The following FLRT2 variants were observed in gnomAD, a reference collection of about 807,000 sequenced individuals.
FLRT2 encodes leucine-rich repeat transmembrane protein FLRT2.
In FLRT2, 15 loss-of-function variants were observed where a neutral mutation model predicts 40.0. The observed-to-expected ratio is 0.38, with a 90% CI of 0.25 to 0.58. FLRT2 has a LOEUF of 0.58. FLRT2 is among the 20% of genes least tolerant of loss of function. The pLI, the probability that FLRT2 is intolerant of heterozygous loss-of-function variation, is 0.71. For missense variants in FLRT2, 726 were observed against 840.0 expected (o/e 0.86, Z 1.68); for synonymous variants, 380 against 336.8 (o/e 1.13, Z -1.41).
chr14:85,541,466 A>G (rs1888982980), intron 1 of FLRT2, among the ~76,000 whole-genome samples: 1 of 152,162 alleles, frequency 6.6e-6, no homozygotes, highest in South Asian at 2.1e-4. Flanking sequence ...AGAAACTCAT[A>G]GTGTTAGTGA....
rs1481560096 is a variant in FLRT2, at chr14:85,623,265, G to A, written c.1751G>A (p.Arg584Gln). The change falls in exon 2 of 2, where the codon CGG becomes CAG. Residue 584 changes from arginine (R) to glutamine (Q), a missense_variant. Transcript: ENST00000330753. ...SQKWKYNRGR[R>Q]KDDYCEAGTK... ...AAGTGGAAATACAACCGGGGCCGGC[G>A]GAAAGATGATTATTGCGAGGCAGGC... 4 of 1,515,474 alleles carry A rather than the reference G, an allele frequency of 2.6e-6. No homozygotes were observed. Among genetic ancestry groups the A allele is most frequent in the South Asian group, 1.3e-5 (1 of 74,744 alleles). The allele number at this position is 1,515,474 out of a possible 1,614,324, so 93.9% of individuals were successfully genotyped here.
chr14:85,554,746 T>C (rs1176364688), intron 1 of FLRT2, among the ~76,000 whole-genome samples: 2 of 152,226 alleles, frequency 1.3e-5, no homozygotes, highest in Non-Finnish European at 2.9e-5. Context: ...AGTTTTTCCT[T>C]TCTGATTATA....
intron 1 of FLRT2, among the ~76,000 whole-genome samples, chr14:85,584,999 C>T (rs1272895985): frequency 1.3e-5 from 2 of 152,046 alleles, no homozygotes; most frequent in East Asian, 1.9e-4. Flanking sequence ...CAGATGCAGT[C>T]GAGGGCTTTT....
rs1041289599 is a variant in FLRT2, at chr14:85,628,803, T to C, written c.*5306T>C. 2 of 152,204 alleles carry C rather than the reference T, an allele frequency of 1.3e-5. No individual in the cohort carries two copies. The highest frequency in any genetic ancestry group is 3.8e-4 in the East Asian group (2 of 5,200). 9.4% of individuals were successfully genotyped at this position (152,204 alleles called of 1,614,324 possible). ...TTATGTAAAGTAACATCTATGCTAT[T>C]CTTGGGTACTTTTGCCAAGAGTTAC... On this transcript the variant is annotated 3_prime_UTR_variant, in exon 2 of 2. Coordinates refer to ENST00000330753, the MANE Select transcript of FLRT2 (RefSeq NM_013231.6).
At chr14:85,560,267 A>G (rs903546369) in intron 1 of FLRT2, among the ~76,000 whole-genome samples, 10 of 152,120 alleles carry the variant, frequency 6.6e-5, no homozygotes, top group African/African-American at 2.4e-4. Context: ...CCAGAAGGAG[A>G]AATGTATTAG....
chr14:85,613,999 C>G (rs1893011915), intron 1 of FLRT2, among the ~76,000 whole-genome samples: 2 of 152,162 alleles, frequency 1.3e-5, no homozygotes, highest in South Asian at 2.1e-4. Flanking sequence ...GGCACAGGAG[C>G]TTTTGTTGTT....
intron 1 of FLRT2, among the ~76,000 whole-genome samples, chr14:85,589,658 G>C (rs1891791976): frequency 6.6e-6 from 1 of 152,018 alleles, no homozygotes; most frequent in African/African-American, 2.4e-5. Context: ...CTGTGCTTGT[G>C]GGGTATTGAT....
intron 1 of FLRT2, among the ~76,000 whole-genome samples, chr14:85,587,408 TC>T (rs1226835755): frequency 6.6e-6 from 1 of 152,148 alleles, no homozygotes; most frequent in African/African-American, 2.4e-5. Flanking sequence ...ACTTCAGCTG[TC>T]CGAGATTTTC....
rs538975831 is a variant in FLRT2 at position 85,643,145 on chromosome 14, G to C, written c.*19648G>C. 6.6e-6 allele frequency: 1 copy of C among 152,050 alleles called. No individual in the cohort carries two copies. The highest frequency in any genetic ancestry group is 1.9e-4 in the East Asian group (1 of 5,150). The allele number at this position is 152,050 out of a possible 1,614,324, so 9.4% of individuals were successfully genotyped here. On this transcript the variant is annotated 3_prime_UTR_variant, in exon 2 of 2. Coordinates refer to ENST00000330753, the MANE Select transcript of FLRT2 (RefSeq NM_013231.6). ...CTCATCTTCAAACACTATTCCACTC[G>C]GGGCTAGGATGTCAACATATGAAAT...
intron 1 of FLRT2, among the ~76,000 whole-genome samples, chr14:85,594,389 G>A (rs1028202305): frequency 6.6e-6 from 1 of 152,130 alleles, no homozygotes; most frequent in Non-Finnish European, 1.5e-5. Context: ...GTGTGAGTGA[G>A]TAAAACTTCA....
rs745377446 is a variant in FLRT2, at chr14:85,622,373, C to A, written c.859C>A (p.Gln287Lys). The A allele has an allele frequency of 5.0e-6, 8 of 1,614,050 alleles. No individual in the cohort carries two copies. The highest frequency in any genetic ancestry group is 5.1e-6 in the Non-Finnish European group (6 of 1,180,032). ...KLERLDISNN[Q>K]LRMLTQGVFD... ...GGAACGGCTGGATATATCCAACAAC[C>A]AACTGCGGATGCTGACTCAAGGGGT... Residue 287 changes from glutamine to lysine, a missense_variant, in exon 2 of 2, where the codon CAA (glutamine) becomes AAA (lysine). Gln to Lys is a moderately conservative substitution (Grantham distance 53). Around this residue, in one of 3 missense-constraint regions of FLRT2, gnomAD observed 611 missense variants for 690.0 expected, o/e 0.89. Coordinates refer to ENST00000330753, the MANE Select transcript of FLRT2 (RefSeq NM_013231.6).
chr14:85,587,242 C>T (rs1390673992), intron 1 of FLRT2, among the ~76,000 whole-genome samples: 1 of 149,794 alleles, frequency 6.7e-6, no homozygotes, highest in African/African-American at 2.5e-5. Flanking sequence ...TAGGTTTGAG[C>T]CTTGAAACTG....
rs34410873 is a variant in FLRT2, at chr14:85,627,577, T to TACAC, written c.*4100_*4103dup. On this transcript the variant is annotated 3_prime_UTR_variant, in exon 2 of 2. Coordinates refer to ENST00000330753, the MANE Select transcript of FLRT2 (RefSeq NM_013231.6). The stretch of plus-strand genomic sequence containing the variant: ...TTATTATCAAACATGCACATGCTTG[T>TACAC]ACACACACACACACACACACACAAA... The TACAC allele has an allele frequency of 0.018, 2,887 of 163,904 alleles. 22 individuals carry two copies. The highest frequency in any genetic ancestry group is 0.032 in the African/African-American group (1,310 of 40,838). The allele number at this position is 163,904 out of a possible 1,614,324, so 10.2% of individuals were successfully genotyped here.
intron 1 of FLRT2, among the ~76,000 whole-genome samples, chr14:85,555,834 G>A (rs1889926685): frequency 6.6e-6 from 1 of 151,986 alleles, no homozygotes. Context: ...GGGATTACAG[G>A]TGTGAGGCCC....
intron 1 of FLRT2, among the ~76,000 whole-genome samples, chr14:85,599,641 A>C (rs1447317286): frequency 1.3e-5 from 2 of 152,230 alleles, no homozygotes; most frequent in East Asian, 3.9e-4. Flanking sequence ...GTTGTACCTT[A>C]GCCATTAATT....
rs1247315676 is a variant in FLRT2 at position 85,636,663 on chromosome 14, G to GC, written c.*13168dup. On this transcript the variant is annotated 3_prime_UTR_variant, in exon 2 of 2. Transcript: ENST00000330753. Reference sequence around the variant, plus strand: ...TTCTGGGCCGGGTGTGGTGGCTCATGCCTGTAATCCCAGCACTTTTGGAGG... The same window carrying GC: ...TTCTGGGCCGGGTGTGGTGGCTCATGCCCTGTAATCCCAGCACTTTTGGAGG... 10 of 151,910 alleles carry GC rather than the reference G, an allele frequency of 6.6e-5. No homozygotes were observed. The highest frequency in any genetic ancestry group is 2.4e-4 in the African/African-American group (10 of 41,420). The allele number at this position is 151,910 out of a possible 1,614,324, so 9.4% of individuals were successfully genotyped here.
chr14:85,555,840 G>A (rs1889926952), intron 1 of FLRT2, among the ~76,000 whole-genome samples: 1 of 151,938 alleles, frequency 6.6e-6, no homozygotes, highest in African/African-American at 2.4e-5. Flanking sequence ...ACAGGTGTGA[G>A]GCCCTGTGCC....
At chr14:85,579,555 G>A (rs55989920) in intron 1 of FLRT2, among the ~76,000 whole-genome samples, 27,245 of 152,002 alleles carry the variant, frequency 0.18, 2,928 homozygotes, top group South Asian at 0.28. Context: ...CTAGTATCTC[G>A]TTTTCCAGCC....
chr14:85,578,568 G>A (rs1891235478), intron 1 of FLRT2, among the ~76,000 whole-genome samples: 1 of 152,088 alleles, frequency 6.6e-6, no homozygotes, highest in Non-Finnish European at 1.5e-5. Context: ...AAGGAGGACA[G>A]GCCTGACCTC....
Sources: allele counts gnomAD v4.1 joint callset (sites outside exome capture counted in the v4.1 genomes callset), GRCh38; gene constraint gnomAD v4.1.1; regional missense constraint gnomAD v4.1.1; transcripts MANE v1.5; gene names NCBI Gene and HGNC (gene_info 2026-07-23, HGNC 2026-07-21).